The following GSAP variants were observed in gnomAD, a reference collection of about 807,000 sequenced individuals.
GSAP encodes gamma-secretase-activating protein.
Under a neutral mutation model 131.7 loss-of-function variants are expected in GSAP, and 118 were observed. That is an observed-to-expected ratio of 0.90 (90% CI 0.77 to 1.04). GSAP has a LOEUF of 1.04. Among genes scored for constraint, GSAP ranks in the 50% least tolerant of loss-of-function variants. The pLI, the probability that GSAP is intolerant of heterozygous loss-of-function variation, is 0.00. For synonymous variants in GSAP, 381 were observed against 363.4 expected, an observed-to-expected ratio of 1.05 and a Z score of -0.55; for missense variants, 1,019 against 1,013.2, an observed-to-expected ratio of 1.01 and a Z score of -0.08.
chr7:77,386,670 G>A (rs1023266702), intron 6 of GSAP, among the ~76,000 whole-genome samples: 3 of 152,130 alleles, frequency 2.0e-5, no homozygotes, highest in African/African-American at 7.2e-5. Context: ...ATTCCTGGAA[G>A]CCGTTTAAAC....
At chr7:77,322,233 G>A (rs1384361189) in intron 24 of GSAP, among the ~76,000 whole-genome samples, 4 of 152,212 alleles carry the variant, frequency 2.6e-5, no homozygotes, top group African/African-American at 7.2e-5. Context: ...ATCAGGTTCT[G>A]CAGCAACTTC....
intron 19 of GSAP, among the ~76,000 whole-genome samples, chr7:77,335,898 AAC>A (rs1360410444): frequency 6.6e-6 from 1 of 152,208 alleles, no homozygotes; most frequent in Non-Finnish European, 1.5e-5. Context: ...AACCCAGAGA[AAC>A]ACAGTGACCC....
At chr7:77,333,186 T>G (rs906670030) in intron 19 of GSAP, among the ~76,000 whole-genome samples, 1 of 151,928 alleles carries the variant, frequency 6.6e-6, no homozygotes, top group Non-Finnish European at 1.5e-5. Context: ...AATGCAGAGA[T>G]TATTCTAAAT....
At position 77,403,035 on chromosome 7, in the gene GSAP, C is replaced by T. The variant is rs561040802; in HGVS notation, c.243+1524G>A. Among the ~76,000 whole-genome samples the T allele has an allele frequency of 6.6e-5, 10 of 152,292 alleles. No individual in the cohort carries two copies. In the East Asian group the frequency reaches 1.9e-3, roughly 29 times the overall value. ...CACATTGGTATGCAAAGTGCTCCTA[C>T]TGTCAAGTGCTCACAGTCTTGGGAG... On this transcript the variant is annotated intron_variant, in intron 3 of 30. Transcript: ENST00000257626.
At chr7:77,362,775 A>T in intron 12 of GSAP, 115 bp from the exon 13 acceptor site, 3 of 648,162 alleles carry the variant, frequency 4.6e-6, no homozygotes, top group Non-Finnish European at 8.3e-6. Flanking sequence ...ATCTTACCTC[A>T]TAGATTATTC....
intron 19 of GSAP, among the ~76,000 whole-genome samples, chr7:77,337,137 G>C (rs1306406085): frequency 6.6e-6 from 1 of 152,140 alleles, no homozygotes; most frequent in African/African-American, 2.4e-5. Flanking sequence ...TTACATTCAT[G>C]CTCTGCCCAA....
At chr7:77,340,214 T>C (rs1171214058) in intron 19 of GSAP, among the ~76,000 whole-genome samples, 1 of 152,176 alleles carries the variant, frequency 6.6e-6, no homozygotes, top group East Asian at 1.9e-4. Flanking sequence ...ACTGTAATTT[T>C]CCACTACCCA....
intron 5 of GSAP, among the ~76,000 whole-genome samples, chr7:77,394,940 G>A (rs1214553733): frequency 1.3e-5 from 2 of 152,218 alleles, no homozygotes; most frequent in Non-Finnish European, 2.9e-5. Flanking sequence ...ATAAAGTTGT[G>A]AGGTATCCAA....
chr7:77,382,792 T>C (rs892614084), intron 6 of GSAP, 149 bp from the exon 7 acceptor site: 19 of 540,144 alleles, frequency 3.5e-5, no homozygotes, highest in Non-Finnish European at 6.4e-5. Context: ...CACACACACA[T>C]TGCAGGTCAA....
At chr7:77,376,792 AAAAG>A (rs1796950247) in intron 10 of GSAP, 52 bp downstream of exon 10, 15 of 698,490 alleles carry the variant, frequency 2.1e-5, no homozygotes, top group East Asian at 1.6e-4. Flanking sequence ...AAAAAAAAAA[AAAAG>A]AGAGTAATGT....
At chr7:77,415,928 A>C in intron 1 of GSAP, 1 of 339,512 alleles carries the variant, frequency 2.9e-6, no homozygotes, top group Non-Finnish European at 5.4e-6. Context: ...GGGAACCGCC[A>C]GCGGCCCGGC....
chr7:77,359,415 A>T (rs372896970), intron 14 of GSAP, among the ~76,000 whole-genome samples: 23 of 152,276 alleles, frequency 1.5e-4, no homozygotes, highest in African/African-American at 5.1e-4. Context: ...ATTTATAAAC[A>T]TATCTTTCTT....
intron 28 of GSAP, among the ~76,000 whole-genome samples, chr7:77,312,410 A>T (rs544736882): frequency 6.6e-6 from 1 of 152,142 alleles, no homozygotes; most frequent in Non-Finnish European, 1.5e-5. Flanking sequence ...TACATTGAGG[A>T]AAGTGGTTTA....
chr7:77,351,160 A>G (rs984644406), intron 18 of GSAP: 12 of 981,268 alleles, frequency 1.2e-5, no homozygotes, highest in Non-Finnish European at 1.5e-5. Context: ...AAGTTCTTCA[A>G]TGTGACAGTT....
rs139141968 is a variant in GSAP at position 77,342,269 on chromosome 7, C to T, written c.1545+7082G>A. On this transcript the variant is annotated intron_variant, in intron 19 of 30. Coordinates refer to ENST00000257626, the MANE Select transcript of GSAP (RefSeq NM_017439.4). ...AAGTCTGCCCCCTTCTTAATCAATA[C>T]AGAGGATACCCACTCCACATTACCT... Among the ~76,000 whole-genome samples the T allele has an allele frequency of 9.7e-3, 1,472 of 152,252 alleles. 30 individuals are homozygous for T. The highest frequency in any genetic ancestry group is 0.034 in the African/African-American group (1,419 of 41,542).
chr7:77,395,529 T>G (rs1800226112), intron 5 of GSAP, among the ~76,000 whole-genome samples: 1 of 152,100 alleles, frequency 6.6e-6, no homozygotes, highest in Admixed American at 6.6e-5. Context: ...CTGACAGTAC[T>G]GGGAAAAGGA....
intron 12 of GSAP, among the ~76,000 whole-genome samples, chr7:77,363,979 T>C (rs1794906973): frequency 6.6e-6 from 1 of 152,074 alleles, no homozygotes; most frequent in African/African-American, 2.4e-5. Context: ...GTAAACATTA[T>C]CAGCAAAAAA....
intron 5 of GSAP, among the ~76,000 whole-genome samples, chr7:77,390,958 A>T (rs1799389432): frequency 8.8e-6 from 1 of 113,000 alleles, no homozygotes; most frequent in African/African-American, 3.4e-5. Context: ...AAAAAAAAAA[A>T]AAAAAAAAAA....
chr7:77,349,528 CT>C, intron 18 of GSAP, 124 bp from the exon 19 acceptor site: 1 of 723,118 alleles, frequency 1.4e-6, no homozygotes, highest in Non-Finnish European at 2.4e-6. Flanking sequence ...CTAACCTCTA[CT>C]TTAAATAAAC....
Sources: allele counts gnomAD v4.1 joint callset (sites outside exome capture counted in the v4.1 genomes callset), GRCh38; gene constraint gnomAD v4.1.1; transcripts MANE v1.5; gene names NCBI Gene and HGNC (gene_info 2026-07-23, HGNC 2026-07-21).